Variants in YAP1 observed in about 807,000 individuals in gnomAD.
YAP1 encodes the protein Yes1 associated transcriptional regulator, also known as transcriptional coactivator YAP1.
A neutral mutation model predicts 56.9 loss-of-function variants in YAP1; 5 were observed. That is an observed-to-expected ratio of 0.09 (90% CI 0.05 to 0.18). YAP1 has a LOEUF of 0.18. Ranked by LOEUF, YAP1 falls within the 10% of genes least tolerant of loss-of-function variation. The pLI is 1.00. For synonymous variants in YAP1, 265 were observed against 248.1 expected, an observed-to-expected ratio of 1.07 and a Z score of -0.64; for missense variants, 539 against 651.8, an observed-to-expected ratio of 0.83 and a Z score of 1.88.
chr11:102,199,631 T>C (rs888975651), intron 4 of YAP1, among the ~76,000 whole-genome samples: 1 of 152,138 alleles, frequency 6.6e-6, no homozygotes. Flanking sequence ...AGACAAAATA[T>C]TAAAACAAGA....
At chr11:102,229,598 CAGG>C in intron 8 of YAP1, 101 bp from the exon 9 acceptor site, 3 of 1,021,686 alleles carry the variant, frequency 2.9e-6, no homozygotes, top group Non-Finnish European at 4.4e-6. Flanking sequence ...TTAGGTCAGT[CAGG>C]AGCGCTTTTC....
chr11:102,147,838 ATTAC>A (rs1945410499), intron 2 of YAP1, among the ~76,000 whole-genome samples: 1 of 152,178 alleles, frequency 6.6e-6, no homozygotes, highest in Non-Finnish European at 1.5e-5. Flanking sequence ...CCATGTACAT[ATTAC>A]TTAATATTAA....
intron 4 of YAP1, 66 bp downstream of exon 4, chr11:102,186,197 C>A (rs988374833): frequency 2.0e-6 from 3 of 1,526,148 alleles, no homozygotes; most frequent in East Asian, 4.7e-5. Context: ...AAATATACTT[C>A]GGAAAGCACA....
intron 3 of YAP1, among the ~76,000 whole-genome samples, chr11:102,184,799 G>A (rs1947858706): frequency 6.6e-6 from 1 of 152,152 alleles, no homozygotes; most frequent in Admixed American, 6.5e-5. Context: ...TGTGGGAGAT[G>A]AGTGAAAAGA....
intron 3 of YAP1, among the ~76,000 whole-genome samples, chr11:102,167,656 C>T (rs1012589404): frequency 1.6e-4 from 25 of 152,158 alleles, no homozygotes; most frequent in African/African-American, 6.0e-4. Context: ...ATCACTTGAA[C>T]CCAGGAGGCG....
chr11:102,140,812 C>T (rs1944975855), intron 2 of YAP1, among the ~76,000 whole-genome samples: 1 of 151,806 alleles, frequency 6.6e-6, no homozygotes, highest in African/African-American at 2.4e-5. Context: ...TGTTTCACTC[C>T]AGCGTGGGCA....
At chr11:102,159,242 C>G (rs935882058) in intron 2 of YAP1, among the ~76,000 whole-genome samples, 1 of 152,126 alleles carries the variant, frequency 6.6e-6, no homozygotes, top group Non-Finnish European at 1.5e-5. Context: ...TGGTGCCGCA[C>G]AGGTCCTCAA....
At chr11:102,115,186 A>G (rs1419281973) in intron 2 of YAP1, among the ~76,000 whole-genome samples, 5 of 152,178 alleles carry the variant, frequency 3.3e-5, no homozygotes, top group African/African-American at 7.2e-5. Flanking sequence ...TAAGACCTCA[A>G]TTTTTTTCTG....
At chr11:102,220,574 G>A (rs1828829548) in intron 6 of YAP1, among the ~76,000 whole-genome samples, 2 of 151,974 alleles carry the variant, frequency 1.3e-5, no homozygotes, top group South Asian at 4.2e-4. Flanking sequence ...GATCAGTCAT[G>A]AATTTAAGCT....
intron 4 of YAP1, among the ~76,000 whole-genome samples, chr11:102,203,420 T>C (rs1422980375): frequency 6.6e-6 from 1 of 152,224 alleles, no homozygotes; most frequent in Non-Finnish European, 1.5e-5. Flanking sequence ...TGGTAAATTT[T>C]GATAGTGTAA....
At chr11:102,223,801 A>G (rs1950066505) in intron 7 of YAP1, 49 bp downstream of exon 7, 1 of 1,609,124 alleles carries the variant, frequency 6.2e-7, no homozygotes, top group African/African-American at 1.3e-5. Flanking sequence ...TCATTGCTTT[A>G]AAATCATTCT....
chr11:102,223,518 T>A, intron 6 of YAP1, 104 bp from the exon 7 acceptor site: 1 of 1,258,198 alleles, frequency 7.9e-7, no homozygotes, highest in Non-Finnish European at 1.1e-6. Flanking sequence ...TAGATGTTTT[T>A]AATCTATCTG....
At chr11:102,122,915 A>AAAAAAAAAAAAAAAAAAACAAAAAAAC (rs1943765491) in intron 2 of YAP1, among the ~76,000 whole-genome samples, 1 of 147,358 alleles carries the variant, frequency 6.8e-6, no homozygotes, top group African/African-American at 2.6e-5. Flanking sequence ...AAAAAAAAAA[A>AAAAAAAAAAAAAAAAAAACAAAAAAAC]AGCAAAGAAA....
In YAP1 at chr11:102,202,911, C is replaced by T. The variant is rs143989285; in HGVS notation, c.803-2982C>T. On this transcript the variant is annotated intron_variant, in intron 4 of 8. Transcript: ENST00000282441. ...AAAATTGTGATCAGGCCTCTATATT[C>T]GAACTTGTTTACAGCAAACCAAGAA... 7.9e-3 allele frequency among the ~76,000 whole-genome samples: 1,202 copies of T among 152,212 alleles called. 22 individuals carry two copies. Among genetic ancestry groups the T allele is most frequent in the African/African-American group, 0.027 (1,133 of 41,520 alleles).
intron 1 of YAP1, 45 bp downstream of exon 1, chr11:102,111,214 C>T (rs1395274750): frequency 1.2e-6 from 2 of 1,605,004 alleles, no homozygotes; most frequent in Admixed American, 1.7e-5. Flanking sequence ...GGGCGGGCCT[C>T]AGACCGGGGG....
At chr11:102,146,988 T>C (rs4754833) in intron 2 of YAP1, among the ~76,000 whole-genome samples, 89,102 of 152,032 alleles carry the variant, frequency 0.59, 26,884 homozygotes, top group South Asian at 0.74. Flanking sequence ...TTAGAGAGTC[T>C]TTATTTTGTG....
chr11:102,116,426 G>A (rs1943292607), intron 2 of YAP1, among the ~76,000 whole-genome samples: 1 of 152,136 alleles, frequency 6.6e-6, no homozygotes, highest in Non-Finnish European at 1.5e-5. Flanking sequence ...AGATGCTAAG[G>A]AATGACTATT....
intron 4 of YAP1, among the ~76,000 whole-genome samples, chr11:102,187,054 A>G (rs2135513963): frequency 6.6e-6 from 1 of 152,298 alleles, no homozygotes; most frequent in African/African-American, 2.4e-5. Context: ...TGACCTAACA[A>G]CAACTGCGGG....
chr11:102,119,701 G>A (rs1943533180), intron 2 of YAP1, among the ~76,000 whole-genome samples: 1 of 150,184 alleles, frequency 6.7e-6, no homozygotes, highest in African/African-American at 2.4e-5. Context: ...GTTATGTAGA[G>A]AAATATTTTA....
Sources: gnomAD v4.1 joint callset for allele counts (sites outside exome capture counted in the v4.1 genomes callset) on GRCh38, gnomAD v4.1.1 for gene constraint, MANE v1.5 for transcripts, NCBI Gene and HGNC (gene_info 2026-07-23, HGNC 2026-07-21) for gene names.